The following PCDH15 variants were observed in gnomAD, a reference collection of about 807,000 sequenced individuals.
PCDH15 encodes protocadherin-15.
A neutral mutation model predicts 178.5 loss-of-function variants in PCDH15; 129 were observed. The ratio of observed to expected loss-of-function variants is 0.72; its 90% CI spans 0.63 to 0.84. PCDH15 has a LOEUF of 0.84. Among genes scored for constraint, PCDH15 ranks in the 40% least tolerant of loss-of-function variants. The pLI, the probability that PCDH15 is intolerant of heterozygous loss-of-function variation, is 0.00. For synonymous variants in PCDH15, 800 were observed against 732.0 expected (o/e 1.09, Z -1.50); for missense variants, 2,230 against 2,099.9 (o/e 1.06, Z -1.21).
intron 14 of PCDH15, among the ~76,000 whole-genome samples, chr10:54,145,911 C>T (rs1341704465): frequency 1.3e-5 from 2 of 151,978 alleles, no homozygotes; most frequent in African/African-American, 4.8e-5. Flanking sequence ...TTCTTTTGAT[C>T]TTCTTGTTTC....
At chr10:54,997,515 AG>A (rs1839678638) in intron 2 of PCDH15, among the ~76,000 whole-genome samples, 1 of 152,220 alleles carries the variant, frequency 6.6e-6, no homozygotes, top group Non-Finnish European at 1.5e-5. Context: ...TGTCTTTGCT[AG>A]ATATTTTGAA....
chr10:55,082,059 C>T (rs1004903357), intron 2 of PCDH15, among the ~76,000 whole-genome samples: 6 of 152,074 alleles, frequency 3.9e-5, no homozygotes, highest in African/African-American at 9.7e-5. Flanking sequence ...AATTAATCTG[C>T]GCTATAGACC....
chr10:53,873,908 A>G (rs907438766), intron 26 of PCDH15, among the ~76,000 whole-genome samples: 2 of 152,190 alleles, frequency 1.3e-5, no homozygotes, highest in Admixed American at 1.3e-4. Flanking sequence ...GAGAGGACAC[A>G]CTAGAAACGC....
chr10:53,964,406 A>T (rs1469411869), intron 21 of PCDH15, among the ~76,000 whole-genome samples: 1 of 138,934 alleles, frequency 7.2e-6, no homozygotes, highest in African/African-American at 2.5e-5. Flanking sequence ...TATTCATAAA[A>T]TTTTTATAAA....
At chr10:55,289,584 T>G (rs1842958153) in intron 1 of PCDH15, among the ~76,000 whole-genome samples, 1 of 151,976 alleles carries the variant, frequency 6.6e-6, no homozygotes. Context: ...CTAGAGCTTC[T>G]CAAACTGGCA....
chr10:55,606,692 A>G (rs1843225714), intron 2 of PCDH15, among the ~76,000 whole-genome samples: 7 of 147,606 alleles, frequency 4.7e-5, no homozygotes, highest in Admixed American at 4.1e-4. Flanking sequence ...CTGGCTAGCC[A>G]TATGTAGAAA....
At chr10:55,462,477 T>C (rs563228503) in intron 2 of PCDH15, among the ~76,000 whole-genome samples, 4 of 152,278 alleles carry the variant, frequency 2.6e-5, no homozygotes, top group Admixed American at 2.0e-4. Context: ...TAACTTCTTC[T>C]GAGTATGGCA....
intron 2 of PCDH15, among the ~76,000 whole-genome samples, chr10:54,593,057 A>T (rs1376745929): frequency 1.3e-5 from 2 of 151,738 alleles, no homozygotes; most frequent in African/African-American, 4.8e-5. Context: ...AGTTTTGTGA[A>T]CTCCTTATAT....
intron 2 of PCDH15, among the ~76,000 whole-genome samples, chr10:54,964,782 A>C (rs1838741036): frequency 6.6e-6 from 1 of 152,198 alleles, no homozygotes; most frequent in Admixed American, 6.5e-5. Context: ...CAAGTTCTGA[A>C]AGGCAATAAA....
intron 2 of PCDH15, among the ~76,000 whole-genome samples, chr10:54,940,213 G>C (rs140079954): frequency 6.6e-6 from 1 of 152,004 alleles, no homozygotes; most frequent in East Asian, 1.9e-4. Flanking sequence ...TCACTGTATC[G>C]TATAAGTTTT....
chr10:54,432,986 C>T (rs1231883376), intron 3 of PCDH15, among the ~76,000 whole-genome samples: 4 of 151,912 alleles, frequency 2.6e-5, no homozygotes, highest in Non-Finnish European at 5.9e-5. Flanking sequence ...ACATCACTGA[C>T]CACCAGAGAA....
At chr10:54,424,403 T>G (rs1955968715) in intron 3 of PCDH15, among the ~76,000 whole-genome samples, 1 of 151,842 alleles carries the variant, frequency 6.6e-6, no homozygotes, top group Non-Finnish European at 1.5e-5. Flanking sequence ...ACTTTTACAC[T>G]GTTGGTGGGA....
chr10:54,803,102 A>G (rs996659847), upstream of PCDH15, among the ~76,000 whole-genome samples: 3 of 152,198 alleles, frequency 2.0e-5, no homozygotes, highest in Admixed American at 6.5e-5. Context: ...AATATTTACT[A>G]CTAGAGATGA....
chr10:55,227,368 C>T (rs1841078880), intron 1 of PCDH15, among the ~76,000 whole-genome samples: 1 of 152,130 alleles, frequency 6.6e-6, no homozygotes, highest in Non-Finnish European at 1.5e-5. Flanking sequence ...AAGATCTACT[C>T]TACCAAGGTA....
intron 2 of PCDH15, among the ~76,000 whole-genome samples, chr10:55,374,813 C>T (rs545190220): frequency 2.8e-4 from 43 of 152,006 alleles, no homozygotes; most frequent in African/African-American, 8.9e-4. Flanking sequence ...AGCCATTACA[C>T]GGTACCTCAC....
chr10:55,558,366 G>A (rs1434608718), intron 2 of PCDH15, among the ~76,000 whole-genome samples: 1 of 152,088 alleles, frequency 6.6e-6, no homozygotes, highest in Non-Finnish European at 1.5e-5. Context: ...CACATGATGG[G>A]TATGGGTTTG....
chr10:55,276,979 T>C (rs780517600), intron 1 of PCDH15, among the ~76,000 whole-genome samples: 10 of 152,014 alleles, frequency 6.6e-5, no homozygotes, highest in Non-Finnish European at 1.3e-4. Context: ...CTTTAAAGCT[T>C]TCTTTCTTGA....
chr10:53,933,625 A>G (rs1228365228), intron 25 of PCDH15, among the ~76,000 whole-genome samples: 8 of 152,262 alleles, frequency 5.3e-5, no homozygotes, highest in African/African-American at 1.9e-4. Context: ...ATAATGCCAC[A>G]ATAAACATAT....
At chr10:54,144,171 T>G (rs1457394106) in intron 14 of PCDH15, among the ~76,000 whole-genome samples, 1 of 152,048 alleles carries the variant, frequency 6.6e-6, no homozygotes, top group Non-Finnish European at 1.5e-5. Context: ...TGAAATCACC[T>G]GTAGTATGAC....
Sources: gnomAD v4.1 joint callset for allele counts (sites outside exome capture counted in the v4.1 genomes callset) on GRCh38, gnomAD v4.1.1 for gene constraint, MANE v1.5 for transcripts, NCBI Gene and HGNC (gene_info 2026-07-23, HGNC 2026-07-21) for gene names.